The following RNLS variants were observed in gnomAD, a reference collection of about 807,000 sequenced individuals.
RNLS encodes renalase.
A neutral mutation model predicts 39.8 loss-of-function variants in RNLS; 39 were observed. That is an observed-to-expected ratio of 0.98 (90% confidence interval 0.76 to 1.28). The LOEUF (loss-of-function observed/expected upper bound fraction) is 1.28. Ranked by LOEUF, RNLS falls within the 50% of genes most tolerant of loss-of-function variation. RNLS has a pLI of 0.00. For synonymous variants in RNLS, 147 were observed against 150.7 expected (o/e 0.98, Z 0.18); for missense variants, 410 against 413.3 (o/e 0.99, Z 0.07).
intron 3 of RNLS, among the ~76,000 whole-genome samples, chr10:88,580,388 C>T (rs1347622256): frequency 6.6e-6 from 1 of 152,150 alleles, no homozygotes; most frequent in African/African-American, 2.4e-5. Context: ...CTCTCTGATG[C>T]CCAGTGTCAA....
intron 1 of RNLS, among the ~76,000 whole-genome samples, chr10:88,582,857 C>A (rs1215621088): frequency 6.6e-6 from 1 of 151,636 alleles, no homozygotes; most frequent in Non-Finnish European, 1.5e-5. Flanking sequence ...CCCTCGCCCC[C>A]ACCCTCGCCC....
chr10:88,378,524 G>C (rs1324039850), intron 4 of RNLS, among the ~76,000 whole-genome samples: 1 of 152,004 alleles, frequency 6.6e-6, no homozygotes, highest in Non-Finnish European at 1.5e-5. Context: ...TATAAAAATT[G>C]GCCATAAAAA....
At chr10:88,393,846 T>G (rs1001815091) in intron 4 of RNLS, among the ~76,000 whole-genome samples, 6 of 152,108 alleles carry the variant, frequency 3.9e-5, no homozygotes, top group African/African-American at 1.4e-4. Flanking sequence ...AAAACAGAGA[T>G]ATACACCAAT....
Position 88,337,735 on chromosome 10 carries a change from C to T in RNLS, c.701-23094G>A, listed in dbSNP as rs192361461. On this transcript the variant is annotated intron_variant, in intron 5 of 6. Coordinates refer to ENST00000331772, the MANE Select transcript of RNLS (RefSeq NM_001031709.3). Reference sequence around the variant, plus strand: ...CCTATAGCTTTACTCCTGGATTTTTCAGGAACAATAATAAGTCTCCCCACT... The same window carrying T: ...CCTATAGCTTTACTCCTGGATTTTTTAGGAACAATAATAAGTCTCCCCACT... 7.3e-3 allele frequency among the ~76,000 whole-genome samples: 1,118 copies of T among 152,276 alleles called. 10 individuals are homozygous for T. The highest frequency in any genetic ancestry group is 0.012 in the Non-Finnish European group (836 of 68,016).
At chr10:88,466,674 T>C (rs890918027) in intron 4 of RNLS, among the ~76,000 whole-genome samples, 1 of 152,132 alleles carries the variant, frequency 6.6e-6, no homozygotes, top group Non-Finnish European at 1.5e-5. Flanking sequence ...AGAACATTTT[T>C]CTCCCTTCTT....
intron 4 of RNLS, among the ~76,000 whole-genome samples, chr10:88,502,475 T>C (rs934838427): frequency 3.9e-5 from 6 of 152,138 alleles, no homozygotes; most frequent in Admixed American, 2.6e-4. Flanking sequence ...ATGATCCCCT[T>C]GCACAGGGCT....
chr10:88,350,501 G>A (rs185809680), intron 5 of RNLS, among the ~76,000 whole-genome samples: 30 of 152,098 alleles, frequency 2.0e-4, no homozygotes, highest in South Asian at 8.3e-4. Flanking sequence ...TTGTCCTTGC[G>A]ATAGTTTGCT....
At chr10:88,474,043 T>A (rs1439268492) in intron 4 of RNLS, among the ~76,000 whole-genome samples, 1 of 152,190 alleles carries the variant, frequency 6.6e-6, no homozygotes, top group African/African-American at 2.4e-5. Context: ...ATACATGCTA[T>A]CTCCATTAAA....
At chr10:88,565,747 C>CTTT (rs34655092) in intron 4 of RNLS, among the ~76,000 whole-genome samples, 46 of 97,958 alleles carry the variant, frequency 4.7e-4, no homozygotes, top group Non-Finnish European at 6.7e-4. Context: ...CGTTATCTTT[C>CTTT]TTTTTTTTTT....
chr10:88,272,663 TA>T (rs1413602726), downstream of RNLS, among the ~76,000 whole-genome samples: 10 of 152,164 alleles, frequency 6.6e-5, no homozygotes, highest in Admixed American at 6.5e-4. Context: ...GTTGAATAAA[TA>T]AATGAATGAA....
At chr10:88,240,758 T>C in the RNLS span, among the ~76,000 whole-genome samples, 1 of 152,100 alleles carries the variant, frequency 6.6e-6, no homozygotes, top group South Asian at 2.1e-4. Context: ...CACCATGACC[T>C]CCTCCTAATC....
intron 5 of RNLS, among the ~76,000 whole-genome samples, chr10:88,354,363 CT>C (rs2133313016): frequency 6.6e-6 from 1 of 152,226 alleles, no homozygotes; most frequent in East Asian, 1.9e-4. Context: ...CCAGTTGTTC[CT>C]TTCCATGTTT....
chr10:88,527,845 GA>G (rs1443899015), intron 4 of RNLS, among the ~76,000 whole-genome samples: 1 of 145,614 alleles, frequency 6.9e-6, no homozygotes, highest in Non-Finnish European at 1.5e-5. Context: ...GATAAAACTT[GA>G]AAAAAAAATA....
At chr10:88,356,035 C>T (rs890196110) in intron 5 of RNLS, among the ~76,000 whole-genome samples, 2 of 152,220 alleles carry the variant, frequency 1.3e-5, no homozygotes, top group Non-Finnish European at 2.9e-5. Context: ...GGGATATAAT[C>T]TCCTGGTGTG....
At chr10:88,221,790 T>G in the RNLS span, among the ~76,000 whole-genome samples, 94 of 152,320 alleles carry the variant, frequency 6.2e-4, no homozygotes, top group African/African-American at 2.2e-3. Context: ...TGAGCCCATG[T>G]CAGACATCAC....
chr10:88,324,427 C>CAAAAAAAAAAAAAAAAA (rs57362184), intron 5 of RNLS, among the ~76,000 whole-genome samples: 1 of 78,642 alleles, frequency 1.3e-5, no homozygotes, highest in African/African-American at 4.6e-5. Flanking sequence ...GTGTCCTTTG[C>CAAAAAAAAAAAAAAAAA]AAAAAAAAAA....
chr10:88,199,880 G>C, the RNLS span, among the ~76,000 whole-genome samples: 1 of 152,182 alleles, frequency 6.6e-6, no homozygotes, highest in African/African-American at 2.4e-5. Flanking sequence ...TGTAATCCCA[G>C]CATTTTGGGA....
intron 4 of RNLS, among the ~76,000 whole-genome samples, chr10:88,383,213 T>C (rs1851658799): frequency 6.6e-6 from 1 of 152,046 alleles, no homozygotes; most frequent in South Asian, 2.1e-4. Flanking sequence ...TGCTAAGTAG[T>C]AGTAACATTT....
intron 4 of RNLS, among the ~76,000 whole-genome samples, chr10:88,459,104 T>G (rs7078305): frequency 0.045 from 1,490 of 33,016 alleles, 12 homozygotes; most frequent in African/African-American, 0.2. Context: ...TTCTTTTTTC[T>G]TTTTTTTTTT....
Sources: gnomAD v4.1 joint callset for allele counts (sites outside exome capture counted in the v4.1 genomes callset) on GRCh38, gnomAD v4.1.1 for gene constraint, MANE v1.5 for transcripts, NCBI Gene and HGNC (gene_info 2026-07-23, HGNC 2026-07-21) for gene names.